Variants in IL1RAPL2 observed in about 807,000 individuals in gnomAD.
IL1RAPL2 encodes the protein interleukin 1 receptor accessory protein like 2.
IL1RAPL2 carries 3 observed loss-of-function variants against 44.1 expected under a neutral mutation model. The observed-to-expected ratio is 0.07, with a 90% CI of 0.03 to 0.18. The LOEUF is 0.18. Ranked by LOEUF, IL1RAPL2 falls within the 10% of genes least tolerant of loss-of-function variation. The probability of loss-of-function intolerance (pLI) is 1.00; values close to 1 mark genes in which losing one functional copy is unlikely to be tolerated. For synonymous variants in IL1RAPL2, 181 were observed against 178.8 expected, an observed-to-expected ratio of 1.01 and a Z score of -0.10; for missense variants, 391 against 496.4, an observed-to-expected ratio of 0.79 and a Z score of 2.02.
intron 2 of IL1RAPL2, among the ~76,000 whole-genome samples, chrX:104,994,248 TTAA>T (rs1437567813): frequency 2.7e-5 from 3 of 111,709 alleles, no homozygotes; most frequent in Non-Finnish European, 3.8e-5. Context: ...TTTCACAGAC[TTAA>T]TGATGAGGGA....
At chrX:105,112,068 A>G (rs184769839) in intron 2 of IL1RAPL2, among the ~76,000 whole-genome samples, 4 of 111,816 alleles carry the variant, frequency 3.6e-5, no homozygotes, top group Admixed American at 1.9e-4. Flanking sequence ...CCAAATGTAA[A>G]TGTTTAAATT....
At chrX:105,468,589 A>C (rs2036146594) in intron 5 of IL1RAPL2, among the ~76,000 whole-genome samples, 2 of 111,430 alleles carry the variant, frequency 1.8e-5, no homozygotes, top group Admixed American at 1.9e-4. Context: ...TTTGCACTGG[A>C]CCCTACAAAC....
chrX:105,181,802 C>T (rs189973710), intron 2 of IL1RAPL2, among the ~76,000 whole-genome samples: 3 of 111,220 alleles, frequency 2.7e-5, no homozygotes, highest in East Asian at 5.6e-4. Flanking sequence ...CAGTGGCTCA[C>T]GCCTGTAATC....
At chrX:104,578,906 CATA>C (rs1347240880) in intron 1 of IL1RAPL2, among the ~76,000 whole-genome samples, 11 of 111,239 alleles carry the variant, frequency 9.9e-5, no homozygotes, top group African/African-American at 2.6e-4. Context: ...ACTTAATATT[CATA>C]ATAATGTAAA....
At chrX:105,136,821 A>G (rs1456988065) in intron 2 of IL1RAPL2, among the ~76,000 whole-genome samples, 1 of 112,319 alleles carries the variant, frequency 8.9e-6, no homozygotes, top group Admixed American at 9.4e-5. Flanking sequence ...GGAGAAGTCC[A>G]TTTCAATGTT....
chrX:104,762,241 C>T (rs1932473335), intron 2 of IL1RAPL2, among the ~76,000 whole-genome samples: 2 of 110,578 alleles, frequency 1.8e-5, no homozygotes, highest in African/African-American at 6.6e-5. Flanking sequence ...TCAGGTGATC[C>T]ACCTGCCTCG....
chrX:105,040,587 A>T (rs1354193488), intron 2 of IL1RAPL2, among the ~76,000 whole-genome samples: 79 of 110,114 alleles, frequency 7.2e-4, no homozygotes, highest in South Asian at 1.5e-3. Context: ...CAGAGATTCA[A>T]CTTCTTCCTG....
chrX:104,856,039 G>T (rs1193148455), intron 2 of IL1RAPL2, among the ~76,000 whole-genome samples: 1 of 110,599 alleles, frequency 9.0e-6, no homozygotes, highest in African/African-American at 3.3e-5. Flanking sequence ...TGAGTTAAAT[G>T]AGGTAACACA....
At chrX:105,702,980 A>AAAGT (rs2038132511) in intron 6 of IL1RAPL2, among the ~76,000 whole-genome samples, 1 of 111,772 alleles carries the variant, frequency 8.9e-6, no homozygotes, top group Admixed American at 9.5e-5. Context: ...GGGCAATAGG[A>AAAGT]AAGTATAGCA....
chrX:104,727,788 G>T (rs5962978), intron 2 of IL1RAPL2, among the ~76,000 whole-genome samples: 48,072 of 108,261 alleles, frequency 0.44, 8,710 homozygotes, highest in Middle Eastern at 0.66. Context: ...AATGAATTTT[G>T]TTTTTGGATT....
intron 2 of IL1RAPL2, among the ~76,000 whole-genome samples, chrX:104,945,736 C>T (rs778663338): frequency 5.4e-5 from 6 of 111,857 alleles, no homozygotes; most frequent in Non-Finnish European, 9.4e-5. Context: ...TTTTAGAATA[C>T]GCCAATGAGC....
At chrX:104,793,663 A>G (rs1284722157) in intron 2 of IL1RAPL2, among the ~76,000 whole-genome samples, 2 of 111,961 alleles carry the variant, frequency 1.8e-5, no homozygotes, top group Admixed American at 9.5e-5. Context: ...TCTCTTAGTG[A>G]CAACGTATAT....
At chrX:105,020,210 C>T (rs185719729) in intron 2 of IL1RAPL2, among the ~76,000 whole-genome samples, 275 of 110,632 alleles carry the variant, frequency 2.5e-3, no homozygotes, top group African/African-American at 7.6e-3. Context: ...GTCTTGAACT[C>T]CTGGCCTCAA....
At chrX:105,745,473 A>C (rs1388264063) in intron 8 of IL1RAPL2, among the ~76,000 whole-genome samples, 1 of 111,608 alleles carries the variant, frequency 9.0e-6, no homozygotes, top group Non-Finnish European at 1.9e-5. Flanking sequence ...GATTGTTCAC[A>C]GTTCTGGAGG....
chrX:104,594,596 A>G (rs925677676), intron 1 of IL1RAPL2, among the ~76,000 whole-genome samples: 1 of 112,079 alleles, frequency 8.9e-6, no homozygotes, highest in African/African-American at 3.2e-5. Context: ...TTTAGAACTT[A>G]CAGTCTATTG....
chrX:105,679,637 GA>G (rs778549248), intron 6 of IL1RAPL2, among the ~76,000 whole-genome samples: 1 of 111,513 alleles, frequency 9.0e-6, no homozygotes, highest in Non-Finnish European at 1.9e-5. Flanking sequence ...TTCAGACAAG[GA>G]ACAATGAACA....
intron 1 of IL1RAPL2, among the ~76,000 whole-genome samples, chrX:104,631,445 A>G (rs1929647598): frequency 1.8e-5 from 2 of 111,684 alleles, no homozygotes; most frequent in Non-Finnish European, 3.8e-5. Flanking sequence ...ACTAGTTTAC[A>G]GTCCCACCAA....
At chrX:105,305,349 T>TACAC (rs760062576) in intron 5 of IL1RAPL2, among the ~76,000 whole-genome samples, 6 of 111,171 alleles carry the variant, frequency 5.4e-5, no homozygotes, top group African/African-American at 1.6e-4. Flanking sequence ...TTCACACACA[T>TACAC]ACACACACAC....
intron 6 of IL1RAPL2, among the ~76,000 whole-genome samples, chrX:105,689,417 C>T (rs971478033): frequency 8.9e-6 from 1 of 112,113 alleles, no homozygotes; most frequent in Non-Finnish European, 1.9e-5. Context: ...AGGATATGAA[C>T]AGACACTTCT....
Sources: allele counts gnomAD v4.1 joint callset (sites outside exome capture counted in the v4.1 genomes callset), GRCh38; gene constraint gnomAD v4.1.1; transcripts MANE v1.5; gene names NCBI Gene and HGNC (gene_info 2026-07-23, HGNC 2026-07-21).